TMED3: variants seen among roughly 807,000 people sequenced by gnomAD.
The protein encoded by TMED3 is transmembrane p24 trafficking protein 3, also known as transmembrane emp24 domain-containing protein 3.
In TMED3, 9 loss-of-function variants were observed where a neutral mutation model predicts 15.0. That is an observed-to-expected ratio of 0.60 (90% CI 0.36 to 1.04). The LOEUF is 1.04. Ranked by LOEUF, TMED3 falls within the 50% of genes least tolerant of loss-of-function variation. The pLI, the probability that TMED3 is intolerant of heterozygous loss-of-function variation, is 0.01. For missense variants in TMED3, 267 were observed against 278.9 expected, an observed-to-expected ratio of 0.96 and a Z score of 0.30; for synonymous variants, 117 against 121.4, an observed-to-expected ratio of 0.96 and a Z score of 0.24.
intron 2 of TMED3, among the ~76,000 whole-genome samples, chr15:79,346,800 T>C (rs1442845179): frequency 6.6e-6 from 1 of 152,202 alleles, no homozygotes; most frequent in Non-Finnish European, 1.5e-5. Context: ...CTTGTTTTTA[T>C]CAGGTTTGTA....
intron 2 of TMED3, among the ~76,000 whole-genome samples, chr15:79,386,898 ACTTTT>A (rs1282096374): frequency 4.0e-5 from 6 of 150,138 alleles, no homozygotes; most frequent in South Asian, 2.1e-4. Context: ...TATGGCTAAC[ACTTTT>A]CTTTTCTTTC....
chr15:79,357,800 GAA>G (rs1460236407), intron 2 of TMED3, among the ~76,000 whole-genome samples: 2 of 152,090 alleles, frequency 1.3e-5, no homozygotes, highest in African/African-American at 4.8e-5. Flanking sequence ...GCAAAGGACT[GAA>G]AAACTCACTT....
intron 2 of TMED3, among the ~76,000 whole-genome samples, chr15:79,393,400 C>T (rs1229931306): frequency 6.6e-6 from 1 of 152,172 alleles, no homozygotes; most frequent in East Asian, 1.9e-4. Context: ...AACCAGAGTA[C>T]CTCTCCTCAA....
chr15:79,336,447 C>T (rs1254228376), intron 2 of TMED3, among the ~76,000 whole-genome samples: 2 of 152,174 alleles, frequency 1.3e-5, no homozygotes, highest in East Asian at 3.9e-4. Context: ...CATTTGAGGT[C>T]AGCAGTTCGA....
At chr15:79,398,234 A>C (rs1028207078) in intron 2 of TMED3, among the ~76,000 whole-genome samples, 1 of 152,050 alleles carries the variant, frequency 6.6e-6, no homozygotes, top group Non-Finnish European at 1.5e-5. Context: ...TTGGAATTAC[A>C]CAGTACGTAG....
At chr15:79,389,044 A>G (rs537993176) in intron 2 of TMED3, among the ~76,000 whole-genome samples, 32 of 152,086 alleles carry the variant, frequency 2.1e-4, no homozygotes, top group South Asian at 6.2e-4. Flanking sequence ...TGGGTCGTCT[A>G]TTTACTCTGC....
chr15:79,380,541 A>G (rs1893510412), intron 2 of TMED3, among the ~76,000 whole-genome samples: 1 of 147,132 alleles, frequency 6.8e-6, no homozygotes, highest in East Asian at 2.0e-4. Context: ...ATATGTAGTT[A>G]TATATATAGT....
intron 2 of TMED3, among the ~76,000 whole-genome samples, chr15:79,352,789 T>C (rs940152492): frequency 7.1e-6 from 1 of 140,984 alleles, no homozygotes; most frequent in Non-Finnish European, 1.5e-5. Flanking sequence ...CTTTGAGAAA[T>C]CTTAGCCACA....
intron 2 of TMED3, among the ~76,000 whole-genome samples, chr15:79,370,098 A>ATTTCT: frequency 6.8e-6 from 1 of 147,752 alleles, no homozygotes; most frequent in South Asian, 2.2e-4. Flanking sequence ...CTATATGTGC[A>ATTTCT]TTTTTTTTTT....
At chr15:79,399,657 A>G (rs903964952) in intron 2 of TMED3, among the ~76,000 whole-genome samples, 1 of 152,222 alleles carries the variant, frequency 6.6e-6, no homozygotes, top group Non-Finnish European at 1.5e-5. Flanking sequence ...GAGAGACACA[A>G]TCAGATTTGC....
intron 2 of TMED3, among the ~76,000 whole-genome samples, chr15:79,386,966 C>G (rs1893635314): frequency 7.7e-6 from 1 of 130,204 alleles, no homozygotes; most frequent in African/African-American, 2.9e-5. Flanking sequence ...ATGTCTCGTT[C>G]TGTCACCCAG....
chr15:79,341,519 C>T (rs909701865), intron 2 of TMED3, among the ~76,000 whole-genome samples: 5 of 152,108 alleles, frequency 3.3e-5, no homozygotes, highest in African/African-American at 1.2e-4. Flanking sequence ...CATGGCCAGG[C>T]GTAGGTTTTT....
At chr15:79,400,809 G>A (rs1893824133) in intron 2 of TMED3, among the ~76,000 whole-genome samples, 1 of 152,166 alleles carries the variant, frequency 6.6e-6, no homozygotes, top group African/African-American at 2.4e-5. Context: ...ACCTTTCCAC[G>A]TCTGATCTTC....
At chr15:79,389,120 T>G (rs985483275) in intron 2 of TMED3, among the ~76,000 whole-genome samples, 29 of 152,184 alleles carry the variant, frequency 1.9e-4, no homozygotes, top group Admixed American at 1.9e-3. Flanking sequence ...TATCTTTGTT[T>G]TTATTGCATT....
intron 2 of TMED3, among the ~76,000 whole-genome samples, chr15:79,321,363 C>T (rs147637842): frequency 1.1e-4 from 16 of 152,350 alleles, no homozygotes; most frequent in Non-Finnish European, 1.8e-4. Flanking sequence ...ATGTGTTACA[C>T]ATGAGCGTAT....
intron 2 of TMED3, among the ~76,000 whole-genome samples, chr15:79,331,542 C>CAAAAAAAAAAAAAAAAAA (rs71451761): frequency 1.1e-5 from 1 of 89,288 alleles, no homozygotes; most frequent in Non-Finnish European, 2.1e-5. Flanking sequence ...GCAAAAGAAG[C>CAAAAAAAAAAAAAAAAAA]AAAAAAAAAA....
At chr15:79,365,090 C>T (rs1234966706) in intron 2 of TMED3, among the ~76,000 whole-genome samples, 5 of 152,198 alleles carry the variant, frequency 3.3e-5, no homozygotes, top group African/African-American at 7.2e-5. Flanking sequence ...GTTTGAGCAG[C>T]GGAGACGAGG....
intron 2 of TMED3, among the ~76,000 whole-genome samples, chr15:79,353,341 T>C (rs2058905053): frequency 1.1e-5 from 1 of 87,016 alleles, no homozygotes; most frequent in South Asian, 3.1e-4. Flanking sequence ...ATATTATGTA[T>C]ATAAAATATA....
At chr15:79,327,118 G>A (rs936647384), downstream of TMED3, among the ~76,000 whole-genome samples, 5 of 152,132 alleles carry the variant, frequency 3.3e-5, no homozygotes, top group Non-Finnish European at 5.9e-5. Flanking sequence ...TGAGGGATCT[G>A]CCCCCATGGC....
Sources: allele counts gnomAD v4.1 joint callset (sites outside exome capture counted in the v4.1 genomes callset), GRCh38; gene constraint gnomAD v4.1.1; transcripts MANE v1.5; gene names NCBI Gene and HGNC (gene_info 2026-07-23, HGNC 2026-07-21).